Variants in LYST observed in about 807,000 individuals in gnomAD.
LYST encodes the protein lysosomal-trafficking regulator.
A neutral mutation model predicts 413.6 loss-of-function variants in LYST; 192 were observed. The observed-to-expected ratio is 0.46, with a 90% confidence interval of 0.41 to 0.52. LYST has a LOEUF of 0.52. Ranked by LOEUF, LYST falls within the 20% of genes least tolerant of loss-of-function variation. The pLI, the probability that LYST is intolerant of heterozygous loss-of-function variation, is 0.00. For synonymous variants in LYST, 1,525 were observed against 1,567.3 expected (o/e 0.97, Z 0.64); for missense variants, 3,815 against 4,499.9 (o/e 0.85, Z 4.35).
intron 47 of LYST, among the ~76,000 whole-genome samples, chr1:235,689,502 T>A (rs1243302208): frequency 6.6e-6 from 1 of 152,108 alleles, no homozygotes; most frequent in African/African-American, 2.4e-5. Context: ...TGGTAATGTG[T>A]GTGGAATGGA....
chr1:235,808,796 A>T lies in LYST; in HGVS notation c.2022T>A (p.Phe674Leu), dbSNP rs368896842. 14 of 1,613,916 alleles carry T rather than the reference A, an allele frequency of 8.7e-6. No individual in the cohort carries two copies. The highest frequency in any genetic ancestry group is 1.7e-5 in the Admixed American group (1 of 59,974). ...ATCCACTGCTGGGCAGGATCCCTTG[A>T]AATCTGTAAGAAGGACTGGATAAAC... The part of the protein sequence containing the change: ...SSSLSSPSYR[F>L]QGILPSSGSE... Residue 674 changes from phenylalanine to leucine, a missense_variant, in exon 5 of 53, where the codon TTT (phenylalanine) becomes TTA (leucine). Phe to Leu is a conservative substitution (Grantham distance 22). Transcript: ENST00000389793.
rs1673111385 is a variant in LYST at position 235,808,479 on chromosome 1, G to A, written c.2339C>T (p.Thr780Ile). ...PQDVLQIYVKTLPILLKSRVI... is the reference protein window; with the variant it reads ...PQDVLQIYVKILPILLKSRVI... ...CCTGGATTTAAGCAGGATAGGCAGA[G>A]TTTTTACATAAATCTGAAGCACGTC... The change falls in exon 5 of 53, where the codon ACT (threonine) becomes ATT (isoleucine). Residue 780 changes from threonine (T) to isoleucine (I), a missense_variant. Physicochemically the swap from Thr to Ile is moderately conservative, Grantham distance 89. This residue lies in a region of LYST where 1,648 missense variants were observed against 1,810.3 expected (regional missense o/e 0.91). Coordinates refer to ENST00000389793, the MANE Select transcript of LYST (RefSeq NM_000081.4). The A allele has an allele frequency of 1.2e-6, 2 of 1,613,644 alleles. No homozygotes were observed.
chr1:235,830,712 A>C (rs903243530), intron 2 of LYST, among the ~76,000 whole-genome samples: 1 of 152,192 alleles, frequency 6.6e-6, no homozygotes, highest in African/African-American at 2.4e-5. Flanking sequence ...TTAAGAGAGA[A>C]GACTTTCTTT....
chr1:235,770,177 T>G lies in LYST; in HGVS notation c.5905A>C (p.Thr1969Pro), dbSNP rs1455472616. ...KAQVVHHFLL[T>P]CQVLQEYKEG... ...AAAAGTACCTGCAAAACCTGACAAG[T>G]CAGTAGAAAGTGATGAACCACTTGA... Residue 1969 changes from threonine (T) to proline (P), a missense_variant, in exon 20 of 53, where the codon ACT becomes CCT. Coordinates refer to ENST00000389793, the MANE Select transcript of LYST (RefSeq NM_000081.4). The G allele has an allele frequency of 6.8e-6, 11 of 1,613,494 alleles. No homozygotes were observed. The East Asian group carries it at 2.5e-4, about 36-fold the overall frequency.
chr1:235,766,746 G>A (rs1323585867), intron 20 of LYST, among the ~76,000 whole-genome samples: 1 of 151,978 alleles, frequency 6.6e-6, no homozygotes, highest in African/African-American at 2.4e-5. Context: ...ATATAGGTAA[G>A]CCCCATATAA....
rs2753327 is a variant in LYST, at chr1:235,731,173, C to T, written c.8806G>A (p.Val2936Ile). Reference protein sequence around the residue: ...LIQQLTHDRAVWYDPIYYPTS... With the variant: ...LIQQLTHDRAIWYDPIYYPTS... Reference sequence around the variant, plus strand: ...GGATAGTAGATGGGGTCATACCATACTGCTCTGCAAGTAAAAAGATTAAAG... The same window carrying T: ...GGATAGTAGATGGGGTCATACCATATTGCTCTGCAAGTAAAAAGATTAAAG... The change falls in exon 35 of 53, where the codon GTA (valine) becomes ATA (isoleucine). Residue 2936 changes from valine to isoleucine, a missense_variant. Physicochemically the swap from Val to Ile is conservative, Grantham distance 29 (BLOSUM62 3). This residue lies in a region of LYST where 866 missense variants were observed against 1,156.0 expected (regional missense o/e 0.75). Transcript: ENST00000389793. The T allele has an allele frequency of 8.9e-4, 1,435 of 1,614,018 alleles. No individual in the cohort carries two copies. The highest frequency in any genetic ancestry group is 1.1e-3 in the Non-Finnish European group (1,303 of 1,179,940).
chr1:235,757,685 A>T (rs1388213841), intron 23 of LYST, among the ~76,000 whole-genome samples: 1 of 152,174 alleles, frequency 6.6e-6, no homozygotes, highest in Admixed American at 6.5e-5. Flanking sequence ...TACATCTCTG[A>T]TGTCTAATAC....
intron 52 of LYST, among the ~76,000 whole-genome samples, chr1:235,663,726 T>G (rs1316582720): frequency 6.6e-6 from 1 of 152,206 alleles, no homozygotes; most frequent in Admixed American, 6.5e-5. Context: ...ATACAGTCTC[T>G]ATGATTCCAG....
intron 30 of LYST, among the ~76,000 whole-genome samples, chr1:235,742,300 C>A (rs1028053803): frequency 1.3e-5 from 2 of 151,634 alleles, no homozygotes; most frequent in Non-Finnish European, 2.9e-5. Context: ...ACTAAAAATA[C>A]GAAAATTGGC....
At chr1:235,756,839 G>C (rs1342983620) in intron 24 of LYST, among the ~76,000 whole-genome samples, 3 of 152,110 alleles carry the variant, frequency 2.0e-5, no homozygotes, top group Non-Finnish European at 4.4e-5. Flanking sequence ...AAGATCATCA[G>C]GGAAGGTCTT....
intron 31 of LYST, chr1:235,737,920 TGG>T: frequency 3.4e-6 from 4 of 1,171,444 alleles, no homozygotes; most frequent in Non-Finnish European, 4.2e-6. Context: ...CCGACGAGTC[TGG>T]ATCTCACTGC....
chr1:235,881,457 C>A (rs1328883018), intron 1 of LYST, among the ~76,000 whole-genome samples: 3 of 152,138 alleles, frequency 2.0e-5, no homozygotes, highest in African/African-American at 7.2e-5. Context: ...CCATACCATC[C>A]AACAATTCCA....
At chr1:235,866,564 C>T (rs1248056119) in intron 1 of LYST, among the ~76,000 whole-genome samples, 1 of 152,230 alleles carries the variant, frequency 6.6e-6, no homozygotes, top group Non-Finnish European at 1.5e-5. Flanking sequence ...GCTGCAATGG[C>T]CCAGAGGGGC....
Position 235,791,789 on chromosome 1 carries a change from G to A in LYST, c.4453C>T (p.His1485Tyr). ...VSLWFNVECI[H>Y]EAESTTEKGK... ...TTTTCTGTAGTACTCTCAGCTTCAT[G>A]GATACACTCCACATTAAACCACAGG... The change falls in exon 12 of 53, where the codon CAT becomes TAT. Residue 1485 changes from histidine to tyrosine, a missense_variant. Coordinates refer to ENST00000389793, the MANE Select transcript of LYST (RefSeq NM_000081.4). The A allele has an allele frequency of 3.7e-6, 6 of 1,613,302 alleles. No individual in the cohort carries two copies. Among genetic ancestry groups the A allele is most frequent in the Non-Finnish European group, 5.1e-6 (6 of 1,179,340 alleles).
rs1351863523 is a variant in LYST at position 235,863,321 on chromosome 1, G to A, written c.-98+3522C>T. 3.3e-5 allele frequency among the ~76,000 whole-genome samples: 5 copies of A among 152,028 alleles called. No individual in the cohort carries two copies. The East Asian group carries it at 9.6e-4, about 29-fold the overall frequency. ...GCAGGAGAATTGGCTGAACCTGGGA[G>A]GTGGAGGTTGCAGTGAACCAAGATC... On this transcript the variant is annotated intron_variant, in intron 1 of 52. Coordinates refer to ENST00000389793, the MANE Select transcript of LYST (RefSeq NM_000081.4).
intron 4 of LYST, among the ~76,000 whole-genome samples, chr1:235,811,348 T>C (rs1295741342): frequency 2.0e-5 from 3 of 151,304 alleles, no homozygotes; most frequent in Non-Finnish European, 2.9e-5. Flanking sequence ...ATAGTATTCA[T>C]AGACCTGATA....
chr1:235,811,830 T>C (rs1673478811), intron 4 of LYST, among the ~76,000 whole-genome samples: 1 of 152,052 alleles, frequency 6.6e-6, no homozygotes, highest in African/African-American at 2.4e-5. Context: ...CAAAGAGCAT[T>C]AATCAGATTT....
At chr1:235,709,000 G>A in intron 44 of LYST, 91 bp downstream of exon 44, 1 of 1,103,430 alleles carries the variant, frequency 9.1e-7, no homozygotes, top group Non-Finnish European at 1.4e-6. Flanking sequence ...TTGATAACTT[G>A]AGTGTTTTAA....
rs1328710347 is a variant in LYST at position 235,692,935 on chromosome 1, C to T, written c.10701+415G>A. Among the ~76,000 whole-genome samples the T allele has an allele frequency of 2.7e-5, 4 of 150,534 alleles. No homozygotes were observed. The East Asian group carries it at 7.9e-4, about 30-fold the overall frequency. ...ACTTGGGAAGCTGAGGGAGGAGGAT[C>T]ACTTGAGTCTGGGAGGTGGAGGGTG... On this transcript the variant is annotated intron_variant, in intron 47 of 52. Coordinates refer to ENST00000389793, the MANE Select transcript of LYST (RefSeq NM_000081.4).
Sources: gnomAD v4.1 joint callset for allele counts (sites outside exome capture counted in the v4.1 genomes callset) on GRCh38, gnomAD v4.1.1 for gene constraint, gnomAD v4.1.1 regional missense constraint, MANE v1.5 for transcripts, NCBI Gene and HGNC (gene_info 2026-07-23, HGNC 2026-07-21) for gene names.